FBXL5: variants seen among roughly 807,000 people sequenced by gnomAD.
FBXL5 encodes F-box/LRR-repeat protein 5.
In FBXL5, 26 loss-of-function variants were observed where a neutral mutation model predicts 78.3. The ratio of observed to expected loss-of-function variants is 0.33; its 90% confidence interval spans 0.24 to 0.46. The LOEUF (loss-of-function observed/expected upper bound fraction) is 0.46, where lower values mean the gene tolerates loss of function less well. Ranked by LOEUF, FBXL5 falls within the 20% of genes least tolerant of loss-of-function variation. The pLI is 1.00. For synonymous variants in FBXL5, 295 were observed against 282.5 expected (o/e 1.04, Z -0.45); for missense variants, 710 against 829.2 (o/e 0.86, Z 1.77).
chr4:15,671,919 C>G (rs1453824722), intron 1 of FBXL5, among the ~76,000 whole-genome samples: 1 of 152,160 alleles, frequency 6.6e-6, no homozygotes, highest in Non-Finnish European at 1.5e-5. Context: ...TTCCATGTCT[C>G]TACTTTTTGA....
chr4:15,605,957 C>G (rs1221269244), intron 10 of FBXL5, among the ~76,000 whole-genome samples, 158 bp from the exon 11 acceptor site: 2 of 152,116 alleles, frequency 1.3e-5, no homozygotes, highest in Non-Finnish European at 1.5e-5. Flanking sequence ...TATTCAGACA[C>G]AAAACTCAAT....
At chr4:15,615,338 C>T (rs758031514) in intron 9 of FBXL5, among the ~76,000 whole-genome samples, 2 of 152,090 alleles carry the variant, frequency 1.3e-5, no homozygotes, top group Non-Finnish European at 2.9e-5. Flanking sequence ...CCACATGCAA[C>T]CCCGGTGTGG....
At chr4:15,678,469 C>G (rs557207937) in intron 1 of FBXL5, among the ~76,000 whole-genome samples, 1 of 152,262 alleles carries the variant, frequency 6.6e-6, no homozygotes, top group Non-Finnish European at 1.5e-5. Context: ...TTTAATAACT[C>G]AAAGGGGTTA....
intron 1 of FBXL5, among the ~76,000 whole-genome samples, chr4:15,648,851 T>A (rs116817581): frequency 5.3e-5 from 8 of 152,148 alleles, no homozygotes; most frequent in Non-Finnish European, 1.0e-4. Context: ...TGAGAGTACA[T>A]CCTCTGTGTC....
At chr4:15,643,304 G>A (rs1224007298) in intron 2 of FBXL5, among the ~76,000 whole-genome samples, 1 of 152,118 alleles carries the variant, frequency 6.6e-6, no homozygotes, top group Non-Finnish European at 1.5e-5. Context: ...AGCCTTTCCA[G>A]AACATAAATC....
intron 9 of FBXL5, among the ~76,000 whole-genome samples, chr4:15,620,480 G>A (rs1712366771): frequency 6.6e-6 from 1 of 152,124 alleles, no homozygotes; most frequent in African/African-American, 2.4e-5. Context: ...AAATAACCTT[G>A]AAAAGGAAAA....
chr4:15,626,395 G>GA (rs1025685235), intron 8 of FBXL5, among the ~76,000 whole-genome samples: 1 of 152,174 alleles, frequency 6.6e-6, no homozygotes, highest in Non-Finnish European at 1.5e-5. Context: ...TCTGCAGCAG[G>GA]AAAAAAGGTG....
Position 15,636,748 on chromosome 4 carries a change from T to A in FBXL5, c.584-72A>T, listed in dbSNP as rs188852553. ...TGCAATAAGAAATTACAATTACATT[T>A]CTATAAACAAAATCCAGTGCCTGAA... is the stretch of plus-strand genomic sequence containing the variant. On this transcript the variant is annotated intron_variant, in intron 4 of 10. Coordinates refer to ENST00000341285, the MANE Select transcript of FBXL5 (RefSeq NM_012161.4). The A allele has an allele frequency of 5.6e-3, 6,518 of 1,160,198 alleles. 29 individuals are homozygous for A. The highest frequency in any genetic ancestry group is 6.5e-3 in the Non-Finnish European group (5,506 of 843,670). 71.9% of individuals were successfully genotyped at this position (1,160,198 alleles called of 1,614,324 possible). A position where few individuals can be genotyped will look rare whatever the true frequency, so the allele number is the denominator to read the frequency against.
At chr4:15,616,571 G>T (rs1711906158) in intron 9 of FBXL5, among the ~76,000 whole-genome samples, 1 of 152,180 alleles carries the variant, frequency 6.6e-6, no homozygotes, top group Non-Finnish European at 1.5e-5. Context: ...TTCTGTCCAG[G>T]AAACATCCCA....
At chr4:15,680,117 GA>G (rs371343552) in intron 1 of FBXL5, among the ~76,000 whole-genome samples, 183 of 144,246 alleles carry the variant, frequency 1.3e-3, no homozygotes, top group Middle Eastern at 7.4e-3. Context: ...AGTAAAACAG[GA>G]AAAAAAAAAA....
At chr4:15,678,435 A>G (rs1476646265) in intron 1 of FBXL5, among the ~76,000 whole-genome samples, 2 of 152,204 alleles carry the variant, frequency 1.3e-5, no homozygotes, top group African/African-American at 4.8e-5. Flanking sequence ...TGTAACGACC[A>G]CTTGATTTTC....
chr4:15,617,633 T>C (rs1004508959), intron 9 of FBXL5, among the ~76,000 whole-genome samples: 4 of 152,172 alleles, frequency 2.6e-5, no homozygotes, highest in Non-Finnish European at 5.9e-5. Flanking sequence ...TCATGTACTT[T>C]CCAGGGACAT....
chr4:15,677,556 A>C (rs542179923), intron 1 of FBXL5, among the ~76,000 whole-genome samples: 1 of 152,180 alleles, frequency 6.6e-6, no homozygotes, highest in Non-Finnish European at 1.5e-5. Flanking sequence ...CTGAGTTCAA[A>C]TAAGTGACTA....
intron 9 of FBXL5, among the ~76,000 whole-genome samples, chr4:15,621,613 A>C (rs1017760243): frequency 6.6e-6 from 1 of 152,200 alleles, no homozygotes; most frequent in African/African-American, 2.4e-5. Context: ...TAAGTGAAAT[A>C]AGCTAGATAC....
At chr4:15,652,965 G>C (rs542451618) in intron 1 of FBXL5, among the ~76,000 whole-genome samples, 7 of 152,098 alleles carry the variant, frequency 4.6e-5, no homozygotes, top group Non-Finnish European at 1.0e-4. Flanking sequence ...AACAAACAAG[G>C]TACTCTTCCT....
intron 9 of FBXL5, among the ~76,000 whole-genome samples, chr4:15,614,573 A>G (rs1180847967): frequency 6.6e-6 from 1 of 152,120 alleles, no homozygotes; most frequent in East Asian, 1.9e-4. Context: ...CAGGGTGGGT[A>G]AAGACCATTA....
chr4:15,614,992 G>A (rs1002998781), intron 9 of FBXL5, among the ~76,000 whole-genome samples: 8 of 152,120 alleles, frequency 5.3e-5, no homozygotes, highest in Admixed American at 1.3e-4. Flanking sequence ...TGGGCTTGGC[G>A]GGCCCCGCAC....
chr4:15,673,310 C>T (rs541618096), intron 1 of FBXL5, among the ~76,000 whole-genome samples: 4 of 151,942 alleles, frequency 2.6e-5, no homozygotes, highest in African/African-American at 9.7e-5. Context: ...GTGTGTTGAC[C>T]CGTGCCTGTA....
At chr4:15,676,656 G>C (rs188839279) in intron 1 of FBXL5, among the ~76,000 whole-genome samples, 1 of 152,044 alleles carries the variant, frequency 6.6e-6, no homozygotes, top group Non-Finnish European at 1.5e-5. Flanking sequence ...CTGGCTGAGA[G>C]AAGGGTAGAG....
Sources: gnomAD v4.1 joint callset for allele counts (sites outside exome capture counted in the v4.1 genomes callset) on GRCh38, gnomAD v4.1.1 for gene constraint, MANE v1.5 for transcripts, NCBI Gene and HGNC (gene_info 2026-07-23, HGNC 2026-07-21) for gene names.